The following SMAP2 variants were observed in gnomAD, a reference collection of about 807,000 sequenced individuals.
SMAP2 encodes the protein stromal membrane-associated protein 2.
Under a neutral mutation model 56.4 loss-of-function variants are expected in SMAP2, and 25 were observed. The observed-to-expected ratio is 0.44, with a 90% confidence interval of 0.32 to 0.62. The LOEUF (loss-of-function observed/expected upper bound fraction) is 0.62. SMAP2 is among the 20% of genes least tolerant of loss of function. SMAP2 has a pLI of 0.04. For synonymous variants in SMAP2, 157 were observed against 181.7 expected (o/e 0.86, Z 1.09); for missense variants, 388 against 545.6 (o/e 0.71, Z 2.88).
At position 40,363,028 on chromosome 1, in the gene SMAP2, C is replaced by T. The variant is rs1360206547; in HGVS notation, c.55+592C>T. 2.0e-5 allele frequency among the ~76,000 whole-genome samples: 3 copies of T among 151,980 alleles called. No individual in the cohort carries two copies. The East Asian group carries it at 5.8e-4, about 29-fold the overall frequency. On this transcript the variant is annotated intron_variant, in intron 2 of 6. Coordinates refer to the SMAP2 transcript ENST00000435168. ...TTAGGAGATGAATTAATCATAGGTT[C>T]ATAGAAAATTAAGCACTCCAAAGTG... is the stretch of plus-strand genomic sequence containing the variant.
intron 6 of SMAP2, 113 bp downstream of exon 6, chr1:40,414,353 TG>T: frequency 2.2e-6 from 2 of 915,136 alleles, no homozygotes; most frequent in Middle Eastern, 2.2e-4. Flanking sequence ...TTGCCAAGAC[TG>T]TTCTCTCACA....
intron 3 of SMAP2, among the ~76,000 whole-genome samples, chr1:40,409,363 C>T (rs1263466965): frequency 6.6e-6 from 1 of 152,150 alleles, no homozygotes; most frequent in African/African-American, 2.4e-5. Context: ...CAGAATTTGG[C>T]AGTGGGGCAC....
intron 1 of SMAP2, among the ~76,000 whole-genome samples, chr1:40,405,279 A>G (rs184646384): frequency 1.8e-4 from 28 of 152,272 alleles, no homozygotes; most frequent in African/African-American, 6.5e-4. Context: ...GTTTGAGGAC[A>G]GGAGTTCAAG....
intron 1 of SMAP2, among the ~76,000 whole-genome samples, chr1:40,361,842 C>T (rs990707064): frequency 6.6e-6 from 1 of 152,126 alleles, no homozygotes; most frequent in Non-Finnish European, 1.5e-5. Flanking sequence ...ATTCCTAAGG[C>T]TTCTGACTCC....
chr1:40,422,252 C>G lies in SMAP2; in HGVS notation c.*151C>G. On this transcript the variant is annotated 3_prime_UTR_variant, in exon 10 of 10. Transcript: ENST00000372718. ...ATTTGGGGTTTGGCATCCTGCCCAG[C>G]CACTTCCCAAACATGAAGACCTCTC... 9.5e-7 allele frequency: 1 copy of G among 1,050,428 alleles called. No homozygotes were observed. Among genetic ancestry groups the G allele is most frequent in the South Asian group, 1.5e-5 (1 of 64,814 alleles). The allele number at this position is 1,050,428 out of a possible 1,614,324, so 65.1% of individuals were successfully genotyped here.
chr1:40,360,311 T>TC (rs1461478852), intron 1 of SMAP2, among the ~76,000 whole-genome samples: 1 of 144,768 alleles, frequency 6.9e-6, no homozygotes, highest in African/African-American at 2.6e-5. Context: ...TGAGCTTTTT[T>TC]TTTTTTTTTT....
At chr1:40,415,531 G>A in intron 7 of SMAP2, 150 bp downstream of exon 7, 1 of 672,556 alleles carries the variant, frequency 1.5e-6, no homozygotes, top group South Asian at 1.8e-5. Context: ...TGTCATTTCT[G>A]TCACAGTCTA....
In SMAP2 at chr1:40,385,106, G is replaced by T. The variant is rs1270908711; in HGVS notation, c.103+10883G>T. On this transcript the variant is annotated intron_variant, in intron 1 of 9. Transcript: ENST00000372718. The surrounding 1 kb of genome is among the most constrained non-coding windows in gnomAD (Gnocchi z 4.5). Reference sequence around the variant, plus strand: ...CAGCTGTGGCCATCCGTCAGCGTAAGGTTGCTCTGGTGGTCGTCTTCAGTT... The same window carrying T: ...CAGCTGTGGCCATCCGTCAGCGTAATGTTGCTCTGGTGGTCGTCTTCAGTT... 6.6e-6 allele frequency among the ~76,000 whole-genome samples: 1 copy of T among 152,122 alleles called. No homozygotes were observed. The highest frequency in any genetic ancestry group is 1.5e-5 in the Non-Finnish European group (1 of 68,034).
At position 40,408,738 on chromosome 1, in the gene SMAP2, C is replaced by T. The variant is rs146684027; in HGVS notation, c.323C>T (p.Pro108Leu). 202 of 1,612,678 alleles carry T rather than the reference C, an allele frequency of 1.3e-4. No individual in the cohort carries two copies. The highest frequency in any genetic ancestry group is 1.2e-4 in the Non-Finnish European group (136 of 1,179,022). The change falls in exon 3 of 10, where the codon CCA becomes CTA. Residue 108 changes from proline to leucine, a missense_variant and splice_region_variant. Physicochemically the swap from Pro to Leu is moderately conservative, Grantham distance 98. Transcript: ENST00000372718. This position sits in a 1 kb window ranked among gnomAD's most constrained non-coding sequence, Gnocchi z 4.3. Reference protein sequence around the residue: ...PETFRRPQIDPAVEGFIRDKY... With the variant: ...PETFRRPQIDLAVEGFIRDKY... ...ACCTTTCGGCGACCTCAGATAGACC[C>T]GTATCTTTTCTGGAGCAACTTAGAA...
intron 1 of SMAP2, among the ~76,000 whole-genome samples, chr1:40,401,805 C>T (rs1032881735): frequency 6.6e-6 from 1 of 152,190 alleles, no homozygotes; most frequent in Non-Finnish European, 1.5e-5. Flanking sequence ...AAAATACATG[C>T]AACAGGTCCG....
chr1:40,416,728 G>C, intron 8 of SMAP2, 52 bp from the exon 9 acceptor site: 1 of 1,542,692 alleles, frequency 6.5e-7, no homozygotes, highest in Non-Finnish European at 8.8e-7. Context: ...AGTTCGGGCT[G>C]ACTTTATGTT....
chr1:40,389,918 C>CT (rs1644699956), intron 1 of SMAP2, among the ~76,000 whole-genome samples: 1 of 144,476 alleles, frequency 6.9e-6, no homozygotes, highest in African/African-American at 2.6e-5. Flanking sequence ...ACCCACTCCC[C>CT]TCCCCCGCCC....
intron 9 of SMAP2, among the ~76,000 whole-genome samples, chr1:40,418,074 AT>A (rs1368603595): frequency 1.3e-5 from 2 of 152,238 alleles, no homozygotes; most frequent in Non-Finnish European, 2.9e-5. Context: ...GCAGAAGAAA[AT>A]TGTTACACAA....
At chr1:40,406,676 G>T in intron 1 of SMAP2, 60 bp from the exon 2 acceptor site, 1 of 1,529,324 alleles carries the variant, frequency 6.5e-7, no homozygotes. Context: ...ATCTAATATT[G>T]TAGTTTAGGC....
intron 1 of SMAP2, among the ~76,000 whole-genome samples, chr1:40,347,967 G>C (rs1441490743): frequency 1.3e-5 from 2 of 151,374 alleles, no homozygotes; most frequent in Non-Finnish European, 2.9e-5. Context: ...AATTTATTTT[G>C]GTGTGTTTTC....
chr1:40,413,378 C>T (rs1644956896), intron 5 of SMAP2, among the ~76,000 whole-genome samples: 2 of 152,198 alleles, frequency 1.3e-5, no homozygotes, highest in African/African-American at 4.8e-5. Flanking sequence ...AGCCAGAATG[C>T]CAAGGCTGAG....
intron 2 of SMAP2, among the ~76,000 whole-genome samples, chr1:40,407,848 TTGG>T (rs527381901): frequency 1.1e-3 from 168 of 152,340 alleles, no homozygotes; most frequent in African/African-American, 3.6e-3. Flanking sequence ...TGCTGTTAGC[TTGG>T]TGGGCTTGGA....
chr1:40,421,402 T>C lies in SMAP2; in HGVS notation c.1165-574T>C, dbSNP rs570012326. Among the ~76,000 whole-genome samples, 4 of 152,082 alleles carry C rather than the reference T, an allele frequency of 2.6e-5. No homozygotes were observed. The South Asian group carries it at 6.2e-4, about 24-fold the overall frequency. On this transcript the variant is annotated intron_variant, in intron 9 of 9. Transcript: ENST00000372718. ...CTGCCCCAGGCCTTATTCCACTGAC[T>C]GTTTTCTCCCAGCTCCTTCCCTTCT... is the stretch of plus-strand genomic sequence containing the variant.
At chr1:40,412,152 C>G (rs960446602) in intron 4 of SMAP2, among the ~76,000 whole-genome samples, 1 of 152,022 alleles carries the variant, frequency 6.6e-6, no homozygotes, top group African/African-American at 2.4e-5. Flanking sequence ...CTGGGGTGAA[C>G]TTGGTGCATT....
Sources: allele counts gnomAD v4.1 joint callset (sites outside exome capture counted in the v4.1 genomes callset), GRCh38; gene constraint gnomAD v4.1.1; non-coding constraint Gnocchi (gnomAD v3.1); transcripts MANE v1.5; gene names NCBI Gene and HGNC (gene_info 2026-07-23, HGNC 2026-07-21).